Variants in NEK5 observed in about 807,000 individuals in gnomAD.
NEK5 encodes the protein serine/threonine-protein kinase Nek5.
NEK5 carries 88 observed loss-of-function variants against 109.2 expected under a neutral mutation model. The ratio of observed to expected loss-of-function variants is 0.81; its 90% confidence interval spans 0.68 to 0.96. The LOEUF is 0.96. NEK5 is among the 40% of genes least tolerant of loss of function. The probability of loss-of-function intolerance (pLI) is 0.00; values close to 1 mark genes in which losing one functional copy is unlikely to be tolerated. For missense variants in NEK5, 834 were observed against 920.7 expected (o/e 0.91, Z 1.22); for synonymous variants, 283 against 299.9 (o/e 0.94, Z 0.58).
In NEK5 at chr13:52,051,227, T is replaced by C. The variant is rs148739555; in HGVS notation, c.2111-1006A>G. ...CCTATCTTTTTGGCATGACTTCTGCTGAGAAAAATGTACAACTTCTCACTG... is the reference window on the plus strand; with the variant it reads ...CCTATCTTTTTGGCATGACTTCTGCCGAGAAAAATGTACAACTTCTCACTG... On this transcript the variant is annotated intron_variant, in intron 22 of 23. Coordinates refer to ENST00000684899, the MANE Select transcript of NEK5 (RefSeq NM_001365552.1). Among the ~76,000 whole-genome samples, 26 of 152,234 alleles carry C rather than the reference T, an allele frequency of 1.7e-4. No individual in the cohort carries two copies. In the East Asian group the frequency reaches 4.0e-3, roughly 24 times the overall value.
intron 13 of NEK5, among the ~76,000 whole-genome samples, chr13:52,091,784 G>T (rs928218984): frequency 2.0e-5 from 3 of 152,144 alleles, no homozygotes; most frequent in Admixed American, 1.3e-4. Context: ...TGAAAATATT[G>T]TAGATCTGCA....
At chr13:52,074,784 A>G (rs1954838017) in intron 19 of NEK5, among the ~76,000 whole-genome samples, 1 of 152,144 alleles carries the variant, frequency 6.6e-6, no homozygotes, top group Non-Finnish European at 1.5e-5. Flanking sequence ...TGAACAAGAA[A>G]AAACAACCCA....
At chr13:52,096,315 G>A (rs1955415250) in intron 12 of NEK5, among the ~76,000 whole-genome samples, 1 of 152,188 alleles carries the variant, frequency 6.6e-6, no homozygotes, top group Non-Finnish European at 1.5e-5. Flanking sequence ...GGTTGGAAGA[G>A]CGTGGAGGGC....
chr13:52,128,331 C>T (rs1300937803), intron 1 of NEK5, among the ~76,000 whole-genome samples: 2 of 152,026 alleles, frequency 1.3e-5, no homozygotes, highest in African/African-American at 4.8e-5. Flanking sequence ...TCCCGGAGAC[C>T]CAACAATCTG....
intron 19 of NEK5, 77 bp from the exon 20 acceptor site, chr13:52,072,147 A>G: frequency 1.7e-6 from 2 of 1,179,194 alleles, no homozygotes; most frequent in Non-Finnish European, 1.2e-6. Context: ...TCGTGTTCCT[A>G]GTAAAATTAA....
chr13:52,110,076 C>T (rs1955728472), intron 7 of NEK5, among the ~76,000 whole-genome samples: 1 of 152,170 alleles, frequency 6.6e-6, no homozygotes, highest in Non-Finnish European at 1.5e-5. Flanking sequence ...ACGAAATTCT[C>T]TCTAGCTTTA....
intron 23 of NEK5, among the ~76,000 whole-genome samples, chr13:52,037,424 T>C (rs900487145): frequency 2.0e-5 from 3 of 152,112 alleles, no homozygotes; most frequent in African/African-American, 7.2e-5. Context: ...CCCTTTATTA[T>C]ATTTATTAAT....
At chr13:52,108,002 T>G (rs919218366) in intron 8 of NEK5, among the ~76,000 whole-genome samples, 16 of 152,180 alleles carry the variant, frequency 1.1e-4, no homozygotes, top group African/African-American at 3.9e-4. Context: ...GACATATAGC[T>G]TAGAAGGTGT....
At chr13:52,122,540 A>G (rs968575640) in intron 3 of NEK5, among the ~76,000 whole-genome samples, 1 of 152,188 alleles carries the variant, frequency 6.6e-6, no homozygotes, top group Non-Finnish European at 1.5e-5. Context: ...AGGCCAAGGC[A>G]GGCAGATCAC....
rs867926851 is a variant in NEK5 at position 52,056,540 on chromosome 13, C to G, written c.2110+5279G>C. On this transcript the variant is annotated intron_variant, in intron 22 of 23. Coordinates refer to ENST00000684899, the MANE Select transcript of NEK5 (RefSeq NM_001365552.1). ...CACCTATTCCAAAATTGACCACATACTTGGAAGTAAAGCTCTCCTCAGCAA... is the reference window on the plus strand; with the variant it reads ...CACCTATTCCAAAATTGACCACATAGTTGGAAGTAAAGCTCTCCTCAGCAA... Among the ~76,000 whole-genome samples, 178 of 145,886 alleles carry G rather than the reference C, an allele frequency of 1.2e-3. 1 individual carries two copies. The Middle Eastern group carries it at 0.014, about 11-fold the overall frequency.
chr13:52,086,291 C>T lies in NEK5; in HGVS notation c.1465G>A (p.Gly489Arg). The change falls in exon 16 of 24, where the codon GGG becomes AGG. Residue 489 changes from glycine (G) to arginine (R), a missense_variant. Physicochemically the swap from Gly to Arg is moderately radical, Grantham distance 125. Around this residue, in one of 2 missense-constraint regions of NEK5, gnomAD observed 777 missense variants for 824.7 expected, o/e 0.94. Coordinates refer to ENST00000684899, the MANE Select transcript of NEK5 (RefSeq NM_001365552.1). ...AATGAATTTACCTCTGGTTCTCTCC[C>T]CATCTTCTTTCTAATTTCTTTCATG... ...NDMKEIRKKM[G>R]REPEENSKIS... 6.2e-7 allele frequency: 1 copy of T among 1,603,072 alleles called. No homozygotes were observed. Among genetic ancestry groups the T allele is most frequent in the Non-Finnish European group, 8.5e-7 (1 of 1,169,956 alleles).
At chr13:52,047,301 A>T (rs1303445393) in intron 23 of NEK5, among the ~76,000 whole-genome samples, 1 of 152,226 alleles carries the variant, frequency 6.6e-6, no homozygotes. Context: ...TAAATAAAAA[A>T]AAAGCAAATT....
intron 16 of NEK5, among the ~76,000 whole-genome samples, chr13:52,086,030 A>G (rs1484418650): frequency 6.6e-6 from 1 of 152,208 alleles, no homozygotes; most frequent in Non-Finnish European, 1.5e-5. Flanking sequence ...ATCAATAAGT[A>G]CTTTTAATAA....
intron 22 of NEK5, among the ~76,000 whole-genome samples, chr13:52,055,079 A>C (rs1198635992): frequency 6.6e-6 from 1 of 152,080 alleles, no homozygotes; most frequent in Non-Finnish European, 1.5e-5. Context: ...TATGACTAGA[A>C]TAACCAATAC....
chr13:52,100,865 C>T (rs1955514638), intron 11 of NEK5, among the ~76,000 whole-genome samples: 1 of 152,208 alleles, frequency 6.6e-6, no homozygotes, highest in African/African-American at 2.4e-5. Context: ...GAGGCTCATT[C>T]ACTTTCTCTT....
chr13:52,097,698 T>C (rs1274832263), intron 12 of NEK5, among the ~76,000 whole-genome samples: 2 of 152,170 alleles, frequency 1.3e-5, no homozygotes, highest in Non-Finnish European at 2.9e-5. Context: ...CAGAGAGACC[T>C]TGAATTGTGG....
chr13:52,122,398 C>T (rs1955987743), intron 3 of NEK5, among the ~76,000 whole-genome samples: 1 of 152,114 alleles, frequency 6.6e-6, no homozygotes, highest in African/African-American at 2.4e-5. Context: ...TAAATGACAA[C>T]ATTTTATTAT....
chr13:52,105,518 C>T (rs890610602), intron 8 of NEK5, among the ~76,000 whole-genome samples: 4 of 151,194 alleles, frequency 2.6e-5, no homozygotes, highest in African/African-American at 9.7e-5. Flanking sequence ...CTGCACCTGA[C>T]CCAGGAAACA....
At chr13:52,037,938 G>A (rs954644757) in intron 23 of NEK5, among the ~76,000 whole-genome samples, 4 of 149,372 alleles carry the variant, frequency 2.7e-5, no homozygotes, top group African/African-American at 9.9e-5. Flanking sequence ...AAAAAAATGT[G>A]TTGAAGGTCT....
Sources: gnomAD v4.1 joint callset for allele counts (sites outside exome capture counted in the v4.1 genomes callset) on GRCh38, gnomAD v4.1.1 for gene constraint, gnomAD v4.1.1 regional missense constraint, MANE v1.5 for transcripts, NCBI Gene and HGNC (gene_info 2026-07-23, HGNC 2026-07-21) for gene names.